SLAIN2: variants seen among roughly 807,000 people sequenced by gnomAD.
SLAIN2 encodes SLAIN motif-containing protein 2.
In SLAIN2, 31 loss-of-function variants were observed where a neutral mutation model predicts 56.6. The observed-to-expected ratio is 0.55, with a 90% CI of 0.41 to 0.74. The LOEUF is 0.74. SLAIN2 is among the 30% of genes least tolerant of loss of function. The pLI, the probability that SLAIN2 is intolerant of heterozygous loss-of-function variation, is 0.00. For missense variants in SLAIN2, 777 were observed against 754.2 expected (o/e 1.03, Z -0.35); for synonymous variants, 317 against 284.9 (o/e 1.11, Z -1.13).
intron 6 of SLAIN2, among the ~76,000 whole-genome samples, chr4:48,409,391 A>G (rs2109783122): frequency 6.6e-6 from 1 of 152,328 alleles, no homozygotes; most frequent in Non-Finnish European, 1.5e-5. Flanking sequence ...AGGTTTGCAT[A>G]AGTACACTCA....
rs749429034 is a variant in SLAIN2 at position 48,369,940 on chromosome 4, C to G, written c.481C>G (p.Pro161Ala). Residue 161 changes from proline (P) to alanine (A), a missense_variant, in exon 2 of 8, where the codon CCT becomes GCT. By Grantham distance (27) the Pro-to-Ala change is conservative (BLOSUM62 -1). Transcript: ENST00000264313. ...WCRQVLDYPS[P>A]DVECAKKSLI... ...CAGGCAAGTTTTGGATTACCCAAGTCCTGATGTTGAGTGTGCTAAAAAATC... is the reference window on the plus strand; with the variant it reads ...CAGGCAAGTTTTGGATTACCCAAGTGCTGATGTTGAGTGTGCTAAAAAATC... 18 of 1,613,552 alleles carry G rather than the reference C, an allele frequency of 1.1e-5. 1 individual carries two copies. The South Asian group carries it at 1.9e-4, about 17-fold the overall frequency.
intron 1 of SLAIN2, among the ~76,000 whole-genome samples, chr4:48,358,136 GTTAC>G (rs547784791): frequency 3.9e-5 from 6 of 152,302 alleles, no homozygotes; most frequent in African/African-American, 1.4e-4. Context: ...CCTTGGACAA[GTTAC>G]TTACCTCACT....
rs1477051274 is a variant in SLAIN2, at chr4:48,420,266, C to T, written c.1502C>T (p.Pro501Leu). 4 of 1,613,830 alleles carry T rather than the reference C, an allele frequency of 2.5e-6. No homozygotes were observed. Among genetic ancestry groups the T allele is most frequent in the East Asian group, 2.2e-5 (1 of 44,868 alleles). The change falls in exon 7 of 8, where the codon CCT becomes CTT. Residue 501 changes from proline to leucine, a missense_variant. Coordinates refer to ENST00000264313, the MANE Select transcript of SLAIN2 (RefSeq NM_020846.2). ...CAGCTCACACAAACCACCTCCTCAC[C>T]TGGGCCTCCTATGGTTCAGAGCACA... ...ITQLTQTTSS[P>L]GPPMVQSTVS...
intron 6 of SLAIN2, among the ~76,000 whole-genome samples, chr4:48,389,251 C>T (rs1380114402): frequency 2.0e-5 from 3 of 152,092 alleles, no homozygotes; most frequent in Non-Finnish European, 2.9e-5. Flanking sequence ...TGGCCTTTAC[C>T]GCTGGAAATT....
At chr4:48,374,123 G>T (rs1238849712) in intron 2 of SLAIN2, among the ~76,000 whole-genome samples, 1 of 152,188 alleles carries the variant, frequency 6.6e-6, no homozygotes, top group Non-Finnish European at 1.5e-5. Context: ...TGACATATAC[G>T]AAGAAGTTGC....
rs188664067 is a variant in SLAIN2 at position 48,346,752 on chromosome 4, T to C, written c.389+4624T>C. ...TCTAGACTCTTCTGTACCAAGGAGA[T>C]GTTACTTTAAAGTAATGTGGTTTGT... On this transcript the variant is annotated intron_variant, in intron 1 of 7. Coordinates refer to ENST00000264313, the MANE Select transcript of SLAIN2 (RefSeq NM_020846.2). 2.0e-5 allele frequency among the ~76,000 whole-genome samples: 3 copies of C among 152,246 alleles called. No homozygotes were observed. In the East Asian group the frequency reaches 5.8e-4, roughly 29 times the overall value.
At chr4:48,403,401 G>GT (rs1161660238) in intron 6 of SLAIN2, among the ~76,000 whole-genome samples, 4 of 152,124 alleles carry the variant, frequency 2.6e-5, no homozygotes, top group African/African-American at 9.7e-5. Context: ...CCTGGCTGGA[G>GT]TTGCTGAAAT....
At chr4:48,391,088 G>A (rs376794374) in intron 6 of SLAIN2, among the ~76,000 whole-genome samples, 28 of 152,188 alleles carry the variant, frequency 1.8e-4, no homozygotes, top group African/African-American at 6.3e-4. Flanking sequence ...GCTCAAAATC[G>A]CATATAATGA....
chr4:48,414,409 C>T (rs1186516207), intron 6 of SLAIN2, among the ~76,000 whole-genome samples: 1 of 152,112 alleles, frequency 6.6e-6, no homozygotes, highest in Non-Finnish European at 1.5e-5. Flanking sequence ...GAATGCCTTA[C>T]AATTTGTTTA....
At chr4:48,347,828 C>T (rs908112306) in intron 1 of SLAIN2, among the ~76,000 whole-genome samples, 4 of 152,188 alleles carry the variant, frequency 2.6e-5, no homozygotes, top group African/African-American at 9.7e-5. Context: ...ATGAATTTGA[C>T]CACTCTAGGT....
chr4:48,420,310 A>T lies in SLAIN2; in HGVS notation c.1546A>T (p.Ser516Cys), dbSNP rs1252836058. The T allele has an allele frequency of 1.2e-6, 2 of 1,613,992 alleles. No homozygotes were observed. Residue 516 changes from serine to cysteine, a missense_variant, in exon 7 of 8, where the codon AGC (serine) becomes TGC (cysteine). Transcript: ENST00000264313. ...VQSTVSANPPSNINSATLTRP... is the reference protein window; with the variant it reads ...VQSTVSANPPCNINSATLTRP... Reference sequence around the variant, plus strand: ...GAGCACAGTCTCAGCAAATCCTCCCAGCAATATCAACAGCGCTACTCTAAC... The same window carrying T: ...GAGCACAGTCTCAGCAAATCCTCCCTGCAATATCAACAGCGCTACTCTAAC...
chr4:48,418,077 C>T (rs373448543), intron 6 of SLAIN2, among the ~76,000 whole-genome samples: 17 of 76,344 alleles, frequency 2.2e-4, no homozygotes, highest in African/African-American at 6.1e-4. Flanking sequence ...ATTATTATTT[C>T]TTCTTCTTCT....
At chr4:48,351,464 A>G (rs551894104) in intron 1 of SLAIN2, among the ~76,000 whole-genome samples, 13 of 152,326 alleles carry the variant, frequency 8.5e-5, no homozygotes, top group African/African-American at 2.9e-4. Flanking sequence ...TTGACCTGTC[A>G]CAGTGAAACT....
intron 6 of SLAIN2, among the ~76,000 whole-genome samples, chr4:48,407,136 C>T (rs1457700394): frequency 3.3e-5 from 5 of 151,930 alleles, no homozygotes; most frequent in East Asian, 1.9e-4. Flanking sequence ...TATGCATGTT[C>T]GAGGTTCGTT....
intron 6 of SLAIN2, among the ~76,000 whole-genome samples, chr4:48,414,762 T>C (rs1716956199): frequency 1.0e-5 from 1 of 99,262 alleles, no homozygotes; most frequent in Non-Finnish European, 2.0e-5. Context: ...CCTGTGTCCA[T>C]GTGATCTCAT....
At chr4:48,420,816 C>G (rs370970370) in intron 7 of SLAIN2, among the ~76,000 whole-genome samples, 3 of 152,124 alleles carry the variant, frequency 2.0e-5, no homozygotes, top group Non-Finnish European at 2.9e-5. Flanking sequence ...GATAAAACTT[C>G]TAGCTACCAA....
At chr4:48,404,061 T>C (rs1162951137) in intron 6 of SLAIN2, among the ~76,000 whole-genome samples, 1 of 152,184 alleles carries the variant, frequency 6.6e-6, no homozygotes. Context: ...CTCACCCTGC[T>C]TCTTTTCCTC....
At chr4:48,346,387 A>T (rs1714865969) in intron 1 of SLAIN2, among the ~76,000 whole-genome samples, 1 of 152,164 alleles carries the variant, frequency 6.6e-6, no homozygotes, top group Non-Finnish European at 1.5e-5. Flanking sequence ...ATTCTGGCTC[A>T]CTAGATCAAT....
At chr4:48,362,732 C>CTTTTTTTTTTTTTTTTTTTCTT (rs397716685) in intron 1 of SLAIN2, among the ~76,000 whole-genome samples, 1 of 116,402 alleles carries the variant, frequency 8.6e-6, no homozygotes, top group Non-Finnish European at 1.7e-5. Context: ...TTTTAAATTT[C>CTTTTTTTTTTTTTTTTTTTCTT]TTTTTTTTTT....
Sources: allele counts gnomAD v4.1 joint callset (sites outside exome capture counted in the v4.1 genomes callset), GRCh38; gene constraint gnomAD v4.1.1; transcripts MANE v1.5; gene names NCBI Gene and HGNC (gene_info 2026-07-23, HGNC 2026-07-21).